The following PPFIA1 variants were observed in gnomAD, a reference collection of about 807,000 sequenced individuals.
PPFIA1 encodes PPFI scaffold protein A1.
PPFIA1 carries 25 observed loss-of-function variants against 149.9 expected under a neutral mutation model. That is an observed-to-expected ratio of 0.17 (90% CI 0.12 to 0.23). PPFIA1 has a LOEUF of 0.23. PPFIA1 is among the 10% of genes least tolerant of loss of function. The pLI, the probability that PPFIA1 is intolerant of heterozygous loss-of-function variation, is 1.00. For synonymous variants in PPFIA1, 549 were observed against 552.8 expected (o/e 0.99, Z 0.10); for missense variants, 1,362 against 1,506.5 (o/e 0.90, Z 1.59).
Position 70,326,782 on chromosome 11 carries a change from A to G in PPFIA1, c.894A>G (p.Glu298=). Reference sequence around the variant, plus strand: ...CTAGAAAAGATCTCATCAAATCTGAAGAAATGAACACAAAATTGCAACGAG... The same window carrying G: ...CTAGAAAAGATCTCATCAAATCTGAGGAAATGAACACAAAATTGCAACGAG... ...DTARKDLIKS[E]EMNTKLQRDV... The change falls in exon 7 of 28, where the codon GAA becomes GAG. Residue 298 remains glutamate, a synonymous_variant. Coordinates refer to ENST00000253925, the MANE Select transcript of PPFIA1 (RefSeq NM_003626.5). The G allele has an allele frequency of 6.2e-7, 1 of 1,614,194 alleles. No individual in the cohort carries two copies. Among genetic ancestry groups the G allele is most frequent in the Non-Finnish European group, 8.5e-7 (1 of 1,180,028 alleles).
At position 70,378,073 on chromosome 11, in the gene PPFIA1, A is replaced by T. The variant is rs1345514814; in HGVS notation, c.3428A>T (p.Lys1143Met). 6.2e-7 allele frequency: 1 copy of T among 1,614,032 alleles called. No homozygotes were observed. The highest frequency in any genetic ancestry group is 1.1e-5 in the South Asian group (1 of 91,038). ...SFRRAPSWRKKFRPKDIRGLA... is the reference protein window; with the variant it reads ...SFRRAPSWRKMFRPKDIRGLA... ...AGGAGAGCACCTTCATGGAGAAAAA[A>T]GTTTAGACCAAAGGACATTCGTGGC... Residue 1143 changes from lysine to methionine, a missense_variant, in exon 26 of 28, where the codon AAG becomes ATG. By Grantham distance (95) the Lys-to-Met change is moderately conservative. Around this residue, in one of 7 missense-constraint regions of PPFIA1, gnomAD observed 349 missense variants for 373.3 expected, o/e 0.93. Coordinates refer to ENST00000253925, the MANE Select transcript of PPFIA1 (RefSeq NM_003626.5).
chr11:70,301,960 C>G (rs189234983), intron 2 of PPFIA1, among the ~76,000 whole-genome samples: 1 of 152,218 alleles, frequency 6.6e-6, no homozygotes, highest in African/African-American at 2.4e-5. Flanking sequence ...CTGCTTTGCT[C>G]GGTTCCTTGT....
chr11:70,312,902 G>A (rs892654041), intron 2 of PPFIA1, among the ~76,000 whole-genome samples: 3 of 152,164 alleles, frequency 2.0e-5, no homozygotes, highest in South Asian at 2.1e-4. Flanking sequence ...GGCTGGGGGC[G>A]GGTGTGACCA....
chr11:70,333,720 T>C (rs1449056573), intron 10 of PPFIA1, among the ~76,000 whole-genome samples, 167 bp downstream of exon 10: 1 of 152,162 alleles, frequency 6.6e-6, no homozygotes, highest in East Asian at 1.9e-4. Flanking sequence ...CGCCTGCTAA[T>C]GCGTACATCC....
chr11:70,359,421 C>G (rs2056522919), intron 19 of PPFIA1, among the ~76,000 whole-genome samples: 1 of 152,140 alleles, frequency 6.6e-6, no homozygotes, highest in African/African-American at 2.4e-5. Flanking sequence ...GGCAATGGAG[C>G]ATGGGAGGGG....
At chr11:70,298,134 G>A (rs1396328129) in intron 2 of PPFIA1, among the ~76,000 whole-genome samples, 1 of 152,132 alleles carries the variant, frequency 6.6e-6, no homozygotes, top group Admixed American at 6.5e-5. Context: ...CAGATGTTTG[G>A]GTTTCCTTCC....
Position 70,333,553 on chromosome 11 carries a change from G to A in PPFIA1, c.1296G>A (p.Arg432=). ...QLEEKNQELQ[R]ARQREKMNEE... ...AGGAGAAGAATCAAGAACTGCAGCGGGTGAGCATGCAGCCCTGAGGGTGGG... is the reference window on the plus strand; with the variant it reads ...AGGAGAAGAATCAAGAACTGCAGCGAGTGAGCATGCAGCCCTGAGGGTGGG... The change falls in exon 10 of 28, where the codon CGG becomes CGA. Residue 432 remains arginine (R), a splice_region_variant and synonymous_variant. Coordinates refer to ENST00000253925, the MANE Select transcript of PPFIA1 (RefSeq NM_003626.5). 1 of 1,610,252 alleles carries A rather than the reference G, an allele frequency of 6.2e-7. No individual in the cohort carries two copies.
chr11:70,358,472 C>G (rs1222792579), intron 19 of PPFIA1: 1 of 152,230 alleles, frequency 6.6e-6, no homozygotes, highest in Non-Finnish European at 1.5e-5. Context: ...ATCTGTCCAC[C>G]TCGGCCTCCC....
intron 2 of PPFIA1, among the ~76,000 whole-genome samples, chr11:70,306,075 C>CT (rs1360837979): frequency 1.3e-5 from 2 of 152,140 alleles, no homozygotes; most frequent in Non-Finnish European, 2.9e-5. Flanking sequence ...CATGGTGGTA[C>CT]TGTGGGACTA....
At chr11:70,325,265 A>G (rs1003271283) in intron 4 of PPFIA1, 13 of 434,450 alleles carry the variant, frequency 3.0e-5, no homozygotes, top group African/African-American at 1.6e-4. Context: ...AAAACCTGCA[A>G]TTACTTTTGC....
intron 2 of PPFIA1, among the ~76,000 whole-genome samples, chr11:70,281,557 G>C (rs1477824313): frequency 6.6e-6 from 1 of 152,148 alleles, no homozygotes; most frequent in East Asian, 1.9e-4. Context: ...TTTTCTCTGG[G>C]ATCTTGGCCC....
In PPFIA1 at chr11:70,326,795, A is replaced by G. The variant is rs1444750142; in HGVS notation, c.907A>G (p.Lys303Glu). Residue 303 changes from lysine to glutamate, a missense_variant, in exon 7 of 28, where the codon AAA (lysine) becomes GAA (glutamate). Around this residue, in one of 7 missense-constraint regions of PPFIA1, gnomAD observed 733 missense variants for 744.1 expected, o/e 0.99. Coordinates refer to ENST00000253925, the MANE Select transcript of PPFIA1 (RefSeq NM_003626.5). ...CATCAAATCTGAAGAAATGAACACA[A>G]AATTGCAACGAGATGTCCGTGAAGT... ...DLIKSEEMNTKLQRDVREAMA... is the reference protein window; with the variant it reads ...DLIKSEEMNTELQRDVREAMA... The G allele has an allele frequency of 2.5e-6, 4 of 1,614,056 alleles. No homozygotes were observed. In the South Asian group the frequency reaches 3.3e-5, roughly 13 times the overall value.
At chr11:70,295,786 C>T (rs1352734087) in intron 2 of PPFIA1, among the ~76,000 whole-genome samples, 3 of 151,300 alleles carry the variant, frequency 2.0e-5, no homozygotes, top group African/African-American at 7.3e-5. Flanking sequence ...GGCGGGCTGA[C>T]CCCCACCTCC....
At chr11:70,351,062 A>C (rs565299376) in intron 16 of PPFIA1, 1 of 1,105,970 alleles carries the variant, frequency 9.0e-7, no homozygotes, top group Non-Finnish European at 1.2e-6. Context: ...TTGTATCTCC[A>C]TAATGTATTG....
intron 14 of PPFIA1, among the ~76,000 whole-genome samples, chr11:70,341,597 A>G (rs1348013670): frequency 6.6e-6 from 1 of 152,174 alleles, no homozygotes; most frequent in African/African-American, 2.4e-5. Context: ...TCTGGAACCC[A>G]AGAGACATCT....
chr11:70,275,221 A>G (rs2050314789), intron 2 of PPFIA1, among the ~76,000 whole-genome samples: 1 of 152,112 alleles, frequency 6.6e-6, no homozygotes, highest in Non-Finnish European at 1.5e-5. Flanking sequence ...AAGCATCTCT[A>G]CCTGTGTTCA....
At chr11:70,288,970 T>TTG (rs1565347615) in intron 2 of PPFIA1, among the ~76,000 whole-genome samples, 3 of 149,650 alleles carry the variant, frequency 2.0e-5, no homozygotes. Flanking sequence ...TCTGGTTGTT[T>TTG]TTTTTTTTTT....
chr11:70,290,768 C>T (rs188561682), intron 2 of PPFIA1, among the ~76,000 whole-genome samples: 9 of 152,296 alleles, frequency 5.9e-5, no homozygotes, highest in Admixed American at 5.9e-4. Flanking sequence ...TAGTTTTAAA[C>T]CTTTGCCAGT....
At position 70,348,270 on chromosome 11, in the gene PPFIA1, T is replaced by C. The variant is rs1483500938; in HGVS notation, c.2013T>C (p.Asn671=). The C allele has an allele frequency of 1.2e-6, 2 of 1,614,058 alleles. No individual in the cohort carries two copies. The highest frequency in any genetic ancestry group is 1.3e-5 in the African/African-American group (1 of 74,916). The change falls in exon 16 of 28, where the codon AAT becomes AAC. Residue 671 remains asparagine, a synonymous_variant. Coordinates refer to ENST00000253925, the MANE Select transcript of PPFIA1 (RefSeq NM_003626.5). Reference sequence around the variant, plus strand: ...GAGTTGGCAGTGGAAGTCTAGACAATCTTGGTCGTTTTAGATCAATGAGCT... The same window carrying C: ...GAGTTGGCAGTGGAAGTCTAGACAACCTTGGTCGTTTTAGATCAATGAGCT... The part of the protein sequence containing the change: ...ESRVGSGSLD[N]LGRFRSMSSI...
Sources: gnomAD v4.1 joint callset for allele counts (sites outside exome capture counted in the v4.1 genomes callset) on GRCh38, gnomAD v4.1.1 for gene constraint, gnomAD v4.1.1 regional missense constraint, MANE v1.5 for transcripts, NCBI Gene and HGNC (gene_info 2026-07-23, HGNC 2026-07-21) for gene names.